GRXCR1: variants seen among roughly 807,000 people sequenced by gnomAD.
GRXCR1 encodes glutaredoxin and cysteine rich domain containing 1.
Under a neutral mutation model 27.3 loss-of-function variants are expected in GRXCR1, and 27 were observed. That is an observed-to-expected ratio of 0.99 (90% confidence interval 0.73 to 1.37). GRXCR1 has a LOEUF of 1.37. GRXCR1 is among the 40% of genes most tolerant of loss of function. The pLI, the probability that GRXCR1 is intolerant of heterozygous loss-of-function variation, is 0.00. For synonymous variants in GRXCR1, 122 were observed against 131.1 expected (o/e 0.93, Z 0.47); for missense variants, 379 against 354.4 (o/e 1.07, Z -0.56).
At chr4:42,935,855 T>C (rs1480184169) in intron 1 of GRXCR1, among the ~76,000 whole-genome samples, 1 of 151,960 alleles carries the variant, frequency 6.6e-6, no homozygotes, top group Non-Finnish European at 1.5e-5. Flanking sequence ...AGTTGTACAA[T>C]GACCATACGA....
chr4:42,915,301 T>C (rs1746861242), intron 1 of GRXCR1, among the ~76,000 whole-genome samples: 1 of 152,138 alleles, frequency 6.6e-6, no homozygotes, highest in African/African-American at 2.4e-5. Flanking sequence ...TCTGAAGTGG[T>C]ATGTGAGAGG....
rs571881038 is a variant in GRXCR1 at position 42,976,755 on chromosome 4, G to A, written c.627+13621G>A. Among the ~76,000 whole-genome samples the A allele has an allele frequency of 5.3e-5, 8 of 152,016 alleles. 1 individual carries two copies. Among genetic ancestry groups the A allele is most frequent in the South Asian group, 4.2e-4 (2 of 4,800 alleles). Reference sequence around the variant, plus strand: ...TGATGTTTTGAAGTATATATACACCGTGGAATGGCTAAATCTAGCTAATTA... The same window carrying A: ...TGATGTTTTGAAGTATATATACACCATGGAATGGCTAAATCTAGCTAATTA... On this transcript the variant is annotated intron_variant, in intron 2 of 3. Coordinates refer to ENST00000399770, the MANE Select transcript of GRXCR1 (RefSeq NM_001080476.3).
At chr4:42,948,529 C>T (rs1450003224) in intron 1 of GRXCR1, among the ~76,000 whole-genome samples, 2 of 151,994 alleles carry the variant, frequency 1.3e-5, no homozygotes, top group Non-Finnish European at 2.9e-5. Context: ...TCCAATAAGC[C>T]CTTTAGTCTT....
chr4:42,911,745 G>A (rs1746726489), intron 1 of GRXCR1, among the ~76,000 whole-genome samples: 1 of 152,102 alleles, frequency 6.6e-6, no homozygotes, highest in Non-Finnish European at 1.5e-5. Context: ...GTAAATTGAT[G>A]CTAGTAATTA....
intron 1 of GRXCR1, among the ~76,000 whole-genome samples, chr4:42,933,312 T>A (rs1177226157): frequency 6.6e-6 from 1 of 151,896 alleles, no homozygotes; most frequent in Non-Finnish European, 1.5e-5. Flanking sequence ...GCCATGTTGC[T>A]TGAACCCGCT....
In GRXCR1 at chr4:42,963,173, C is replaced by T. The variant is rs375406977; in HGVS notation, c.627+39C>T. 15 of 1,603,286 alleles carry T rather than the reference C, an allele frequency of 9.4e-6. No individual in the cohort carries two copies. In the African/African-American group the frequency reaches 2.0e-4, roughly 22 times the overall value. ...CCAGGAAAGTCTTTTTCATAGAACC[C>T]AACCAGGGCTGATAGAAATCTATAA... is the stretch of plus-strand genomic sequence containing the variant. On this transcript the variant is annotated intron_variant, in intron 2 of 3. Transcript: ENST00000399770.
chr4:42,991,471 T>C (rs889023246), intron 2 of GRXCR1, among the ~76,000 whole-genome samples: 2 of 141,760 alleles, frequency 1.4e-5, no homozygotes, highest in African/African-American at 4.9e-5. Context: ...CACACACACA[T>C]ACATATATAT....
intron 1 of GRXCR1, among the ~76,000 whole-genome samples, chr4:42,897,660 A>C (rs1039984885): frequency 1.3e-5 from 2 of 152,052 alleles, no homozygotes; most frequent in African/African-American, 4.8e-5. Flanking sequence ...AGATTTTGGA[A>C]ATATTTTGCT....
At chr4:42,987,576 TAAG>T (rs1030521384) in intron 2 of GRXCR1, among the ~76,000 whole-genome samples, 2 of 151,880 alleles carry the variant, frequency 1.3e-5, no homozygotes, top group African/African-American at 4.8e-5. Flanking sequence ...GCCTAAACAA[TAAG>T]AAGATTTCAA....
rs1747341170 is a variant in GRXCR1 at position 42,932,587 on chromosome 4, TATATATATATATA to T, written c.385-30304_385-30292del. Among the ~76,000 whole-genome samples, 13 of 39,964 alleles carry T rather than the reference TATATATATATATA, an allele frequency of 3.3e-4. 1 individual carries two copies. Among genetic ancestry groups the T allele is most frequent in the African/African-American group, 1.1e-3 (13 of 11,306 alleles). 26.2% of individuals were successfully genotyped at this position (39,964 alleles called of 152,430 possible). A position where few individuals can be genotyped will look rare whatever the true frequency, so the allele number is the denominator to read the frequency against. On this transcript the variant is annotated intron_variant, in intron 1 of 3. Transcript: ENST00000399770. Reference sequence around the variant, plus strand: ...TCTTAAACTCCCTTCCATATATATATATATATATATATATATATATATATATATATATAGAGAG... The same window carrying T: ...TCTTAAACTCCCTTCCATATATATATTATATATATATATATATATAGAGAG...
intron 1 of GRXCR1, among the ~76,000 whole-genome samples, chr4:42,920,052 C>T (rs1278423061): frequency 6.6e-6 from 1 of 152,120 alleles, no homozygotes; most frequent in Non-Finnish European, 1.5e-5. Context: ...ACAAGTCTTG[C>T]TGGTGTCTGC....
Position 42,923,958 on chromosome 4 carries a change from AG to A in GRXCR1, c.384+30309del, listed in dbSNP as rs1192240821. 2.0e-5 allele frequency among the ~76,000 whole-genome samples: 3 copies of A among 152,090 alleles called. No homozygotes were observed. In the East Asian group the frequency reaches 5.8e-4, roughly 29 times the overall value. On this transcript the variant is annotated intron_variant, in intron 1 of 3. Transcript: ENST00000399770. ...GAATTCACTCTATTTTATATTAAAA[AG>A]TAAACCACTCACCAACATCATTGCA...
intron 2 of GRXCR1, among the ~76,000 whole-genome samples, chr4:42,983,189 G>A (rs1329746612): frequency 1.3e-5 from 2 of 151,044 alleles, no homozygotes; most frequent in Admixed American, 1.3e-4. Flanking sequence ...ATGGTTTTAG[G>A]TCTAACGTTG....
chr4:42,902,836 T>C (rs1746491334), intron 1 of GRXCR1, among the ~76,000 whole-genome samples: 4 of 152,140 alleles, frequency 2.6e-5, no homozygotes, highest in Admixed American at 2.6e-4. Flanking sequence ...ACCCCTGAAC[T>C]TAAAATAAAA....
At chr4:42,932,605 TATATATATATATATAGAGAGAGAGAGAG>T (rs1379112436) in intron 1 of GRXCR1, among the ~76,000 whole-genome samples, 6 of 57,914 alleles carry the variant, frequency 1.0e-4, no homozygotes, top group Non-Finnish European at 1.6e-4. Flanking sequence ...TATATATATA[TATATATATATATATAGAGAGAGAGAGAG>T]AGAGAGAGAG....
chr4:42,982,034 C>G (rs578130122), intron 2 of GRXCR1, among the ~76,000 whole-genome samples: 30 of 150,134 alleles, frequency 2.0e-4, no homozygotes, highest in Admixed American at 4.6e-4. Context: ...GCTTTCCACC[C>G]CTTTGTCTTT....
At chr4:42,919,739 C>G (rs528981008) in intron 1 of GRXCR1, among the ~76,000 whole-genome samples, 110 of 152,142 alleles carry the variant, frequency 7.2e-4, no homozygotes, top group Admixed American at 1.4e-3. Flanking sequence ...GTGTTACATG[C>G]TGGGGAAAAG....
At chr4:42,899,936 G>T (rs1746426452) in intron 1 of GRXCR1, among the ~76,000 whole-genome samples, 1 of 152,090 alleles carries the variant, frequency 6.6e-6, no homozygotes, top group African/African-American at 2.4e-5. Context: ...TCCACAATAT[G>T]ACTTGAAACT....
chr4:42,899,792 A>G (rs1188839134), intron 1 of GRXCR1, among the ~76,000 whole-genome samples: 1 of 152,098 alleles, frequency 6.6e-6, no homozygotes, highest in African/African-American at 2.4e-5. Context: ...GGAAAATCAC[A>G]TTTTTTCCTG....
Sources: allele counts gnomAD v4.1 joint callset (sites outside exome capture counted in the v4.1 genomes callset), GRCh38; gene constraint gnomAD v4.1.1; transcripts MANE v1.5; gene names NCBI Gene and HGNC (gene_info 2026-07-23, HGNC 2026-07-21).